The following ZSCAN30 variants were observed in gnomAD, a reference collection of about 807,000 sequenced individuals.
The protein encoded by ZSCAN30 is zinc finger and SCAN domain-containing protein 30.
ZSCAN30 carries 37 observed loss-of-function variants against 44.3 expected under a neutral mutation model. That is an observed-to-expected ratio of 0.84 (90% CI 0.64 to 1.10). The LOEUF (loss-of-function observed/expected upper bound fraction) is 1.10. Among genes scored for constraint, ZSCAN30 ranks in the 50% least tolerant of loss-of-function variants. ZSCAN30 has a pLI of 0.00. For synonymous variants in ZSCAN30, 181 were observed against 204.6 expected, an observed-to-expected ratio of 0.88 and a Z score of 0.98; for missense variants, 549 against 582.6, an observed-to-expected ratio of 0.94 and a Z score of 0.59.
intron 1 of ZSCAN30, among the ~76,000 whole-genome samples, chr18:35,270,674 C>T (rs190637216): frequency 5.6e-4 from 85 of 152,228 alleles, no homozygotes; most frequent in African/African-American, 1.8e-3. Flanking sequence ...TCCCCCTCCG[C>T]GGCTCAAGCA....
chr18:35,278,009 A>G (rs1469798580), intron 1 of ZSCAN30, among the ~76,000 whole-genome samples: 3 of 152,120 alleles, frequency 2.0e-5, no homozygotes, highest in African/African-American at 7.2e-5. Context: ...GCATCCCATA[A>G]AATATTTTAT....
intron 1 of ZSCAN30, chr18:35,285,160 CAG>C (rs2044528604): frequency 6.5e-6 from 1 of 152,720 alleles, no homozygotes; most frequent in East Asian, 1.9e-4. Context: ...GCCTGGGCAA[CAG>C]AGTGAGAGAC....
chr18:35,267,578 AG>A (rs1287059558), intron 1 of ZSCAN30: 2 of 152,166 alleles, frequency 1.3e-5, no homozygotes, highest in Non-Finnish European at 2.9e-5. Flanking sequence ...AGGAGCCCGG[AG>A]GACCGCAGCT....
rs956513781 is a variant in ZSCAN30 at position 35,252,504 on chromosome 18, C to G, written c.*946G>C. On this transcript the variant is annotated 3_prime_UTR_variant, in exon 4 of 4. Transcript: ENST00000333206. ...ATTTGTTGAATTACTCCTTCAGATT[C>G]ATTTTTTTAAAAATTAGGTCTATGA... 2 of 152,172 alleles carry G rather than the reference C, an allele frequency of 1.3e-5. No individual in the cohort carries two copies. The highest frequency in any genetic ancestry group is 4.8e-5 in the African/African-American group (2 of 41,438). The allele number at this position is 152,172 out of a possible 1,614,324, so 9.4% of individuals were successfully genotyped here.
At position 35,252,172 on chromosome 18, in the gene ZSCAN30, T is replaced by C. The variant is rs2043621799; in HGVS notation, c.*1278A>G. 1 of 152,170 alleles carries C rather than the reference T, an allele frequency of 6.6e-6. No individual in the cohort carries two copies. The highest frequency in any genetic ancestry group is 2.1e-4 in the South Asian group (1 of 4,824). The allele number at this position is 152,170 out of a possible 1,614,324, so 9.4% of individuals were successfully genotyped here. ...CTCTTCCTACTTATAATCACTGAGT[T>C]GGGGAGCCTATTCTAGACCCAGAAT... On this transcript the variant is annotated 3_prime_UTR_variant, in exon 4 of 4. Coordinates refer to ENST00000333206, the MANE Select transcript of ZSCAN30 (RefSeq NM_001112734.4).
Position 35,253,391 on chromosome 18 carries a change from GTC to G in ZSCAN30, c.*57_*58del. ...TCAGGAAACTTTTCTTTTCTGTGGA[GTC>G]TCACCCCTACAGTGAACTCCTTGCA... On this transcript the variant is annotated 3_prime_UTR_variant, in exon 4 of 4. Coordinates refer to ENST00000333206, the MANE Select transcript of ZSCAN30 (RefSeq NM_001112734.4). 6.9e-7 allele frequency: 1 copy of G among 1,441,632 alleles called. No homozygotes were observed. The highest frequency in any genetic ancestry group is 1.4e-5 in the South Asian group (1 of 69,384). The allele number at this position is 1,441,632 out of a possible 1,614,324, so 89.3% of individuals were successfully genotyped here. A position where few individuals can be genotyped will look rare whatever the true frequency, so the allele number is the denominator to read the frequency against.
chr18:35,273,491 T>A (rs1452692715), intron 1 of ZSCAN30, among the ~76,000 whole-genome samples: 1 of 152,276 alleles, frequency 6.6e-6, no homozygotes, highest in Non-Finnish European at 1.5e-5. Context: ...TTTTGAATAA[T>A]GCTACTATCA....
chr18:35,278,039 C>T (rs2044396491), intron 1 of ZSCAN30, among the ~76,000 whole-genome samples: 1 of 152,116 alleles, frequency 6.6e-6, no homozygotes, highest in South Asian at 2.1e-4. Context: ...CACTTTTATT[C>T]AGTTTAAAGA....
intron 1 of ZSCAN30, among the ~76,000 whole-genome samples, chr18:35,275,756 C>A (rs900568744): frequency 2.0e-5 from 3 of 152,210 alleles, no homozygotes; most frequent in African/African-American, 7.2e-5. Context: ...AATAAACCAT[C>A]CCTAAACTCC....
intron 1 of ZSCAN30, chr18:35,282,932 C>T (rs2031898533): frequency 6.6e-6 from 1 of 152,180 alleles, no homozygotes; most frequent in Non-Finnish European, 1.5e-5. Flanking sequence ...TATAAGAGTG[C>T]CTAACTAGCT....
At chr18:35,276,324 C>G (rs1267734466) in intron 1 of ZSCAN30, among the ~76,000 whole-genome samples, 1 of 151,632 alleles carries the variant, frequency 6.6e-6, no homozygotes. Context: ...CTAACTCAAT[C>G]TCTTTATTAT....
intron 3 of ZSCAN30, 173 bp downstream of exon 3, chr18:35,263,340 A>G: frequency 1.4e-6 from 1 of 702,010 alleles, no homozygotes; most frequent in Non-Finnish European, 2.3e-6. Context: ...GTTACAAATG[A>G]TACTGGAATT....
rs1259326649 is a variant in ZSCAN30, at chr18:35,263,503, G to A, written c.553+10C>T. On this transcript the variant is annotated intron_variant, in intron 3 of 3. Transcript: ENST00000333206. The stretch of plus-strand genomic sequence containing the variant: ...CCATCCTCAACCCCACATGGACTGG[G>A]GCTTCTCACCTCTCTCCTGGAAAGC... 1.9e-6 allele frequency: 3 copies of A among 1,613,902 alleles called. No individual in the cohort carries two copies. Among genetic ancestry groups the A allele is most frequent in the Admixed American group, 1.7e-5 (1 of 59,982 alleles).
intron 3 of ZSCAN30, among the ~76,000 whole-genome samples, chr18:35,255,274 C>T (rs1280783997): frequency 6.6e-6 from 1 of 151,248 alleles, no homozygotes; most frequent in Non-Finnish European, 1.5e-5. Flanking sequence ...CAGAAGGCTA[C>T]TAGAGATGGG....
chr18:35,267,941 G>C (rs2044196188), intron 1 of ZSCAN30: 1 of 152,168 alleles, frequency 6.6e-6, no homozygotes, highest in Non-Finnish European at 1.5e-5. Flanking sequence ...GGCGGGGACG[G>C]GTCCTGCCCA....
intron 3 of ZSCAN30, chr18:35,260,058 G>C (rs1438671657): frequency 6.6e-6 from 1 of 152,170 alleles, no homozygotes; most frequent in Non-Finnish European, 1.5e-5. Flanking sequence ...TCCTCTCTCT[G>C]TTTCTATGTG....
In ZSCAN30 at chr18:35,252,506, T is replaced by C. The variant is rs1326898746; in HGVS notation, c.*944A>G. On this transcript the variant is annotated 3_prime_UTR_variant, in exon 4 of 4. Transcript: ENST00000333206. ...TTGTTGAATTACTCCTTCAGATTCA[T>C]TTTTTTAAAAATTAGGTCTATGACA... 1 of 152,170 alleles carries C rather than the reference T, an allele frequency of 6.6e-6. No individual in the cohort carries two copies. Among genetic ancestry groups the C allele is most frequent in the Non-Finnish European group, 1.5e-5 (1 of 68,034 alleles). The allele number at this position is 152,170 out of a possible 1,614,324, so 9.4% of individuals were successfully genotyped here. A position where few individuals can be genotyped will look rare whatever the true frequency, so the allele number is the denominator to read the frequency against.
chr18:35,253,167 G>A lies in ZSCAN30; in HGVS notation c.*283C>T, dbSNP rs1465524325. ...AATGGAAATTATATCTGAGTTGGCA[G>A]AGAGTGGAGTGAAGGGGATATTGAT... On this transcript the variant is annotated 3_prime_UTR_variant, in exon 4 of 4. Coordinates refer to ENST00000333206, the MANE Select transcript of ZSCAN30 (RefSeq NM_001112734.4). The A allele has an allele frequency of 3.8e-6, 1 of 266,630 alleles. No individual in the cohort carries two copies. Among genetic ancestry groups the A allele is most frequent in the Non-Finnish European group, 7.1e-6 (1 of 139,944 alleles). 16.5% of individuals were successfully genotyped at this position (266,630 alleles called of 1,614,324 possible).
intron 1 of ZSCAN30, 131 bp downstream of exon 1, chr18:35,289,953 G>A (rs566094407): frequency 6.6e-6 from 1 of 152,282 alleles, no homozygotes; most frequent in South Asian, 2.1e-4. Context: ...CTGGGGGTGT[G>A]AAAAACCAGA....
Sources: allele counts gnomAD v4.1 joint callset (sites outside exome capture counted in the v4.1 genomes callset), GRCh38; gene constraint gnomAD v4.1.1; transcripts MANE v1.5; gene names NCBI Gene and HGNC (gene_info 2026-07-23, HGNC 2026-07-21).